The following IQSEC3 variants were observed in gnomAD, a reference collection of about 807,000 sequenced individuals.
IQSEC3 encodes the protein IQ motif and Sec7 domain ArfGEF 3, also known as IQ motif and SEC7 domain-containing protein 3.
In IQSEC3, 50 loss-of-function variants were observed where a neutral mutation model predicts 105.4. That is an observed-to-expected ratio of 0.47 (90% CI 0.38 to 0.60). IQSEC3 has a LOEUF of 0.60. Ranked by LOEUF, IQSEC3 falls within the 20% of genes least tolerant of loss-of-function variation. The probability of loss-of-function intolerance (pLI) is 0.00; values close to 1 mark genes in which losing one functional copy is unlikely to be tolerated. For synonymous variants in IQSEC3, 708 were observed against 746.0 expected, an observed-to-expected ratio of 0.95 and a Z score of 0.83; for missense variants, 1,415 against 1,630.0, an observed-to-expected ratio of 0.87 and a Z score of 2.27.
chr12:120,704 C>T (rs1443916566), intron 2 of IQSEC3, among the ~76,000 whole-genome samples: 3 of 152,182 alleles, frequency 2.0e-5, no homozygotes, highest in Admixed American at 6.5e-5. Context: ...TGAGAATGAG[C>T]GATGGCCCTG....
intron 5 of IQSEC3, among the ~76,000 whole-genome samples, chr12:145,678 G>T (rs971634930): frequency 6.6e-6 from 1 of 152,246 alleles, no homozygotes; most frequent in African/African-American, 2.4e-5. Context: ...GCAGGCCAGC[G>T]GCAGGAGCCA....
intron 7 of IQSEC3, among the ~76,000 whole-genome samples, chr12:161,330 C>T (rs1056632920): frequency 6.6e-6 from 1 of 151,874 alleles, no homozygotes. Context: ...TTTTGTTGCC[C>T]GAGTTTTATC....
At chr12:132,835 T>C (rs782688246) in intron 3 of IQSEC3, among the ~76,000 whole-genome samples, 1 of 151,980 alleles carries the variant, frequency 6.6e-6, no homozygotes, top group African/African-American at 2.4e-5. Context: ...GGCTTGAGAG[T>C]CATTCCCATC....
Position 178,306 on chromosome 12 carries a change from TGA to T in IQSEC3, c.*3282_*3283del, listed in dbSNP as rs71849208. The T allele has an allele frequency of 0.28, 43,107 of 152,072 alleles. 6,530 individuals carry two copies. Among genetic ancestry groups the T allele is most frequent in the East Asian group, 0.4 (2,078 of 5,172 alleles). 9.4% of individuals were successfully genotyped at this position (152,072 alleles called of 1,614,324 possible). ...CCTCTCCCCGCACACCCGTCACCCA[TGA>T]GAGAGAGAAACCTCTCTAGGGAAAG... On this transcript the variant is annotated 3_prime_UTR_variant, in exon 14 of 14. Transcript: ENST00000538872.
rs1384706843 is a variant in IQSEC3, at chr12:152,809, AG to A, written c.2154-4215del. ...TCCCTAGCTGTGGGAGCATGGGGCC[AG>A]CCCTACGTGGCATTAGTTTTGTCTT... On this transcript the variant is annotated intron_variant, in intron 5 of 13. Transcript: ENST00000538872. This position sits in a 1 kb window ranked among gnomAD's most constrained non-coding sequence, Gnocchi z 4.8. Among the ~76,000 whole-genome samples, 2 of 152,342 alleles carry A rather than the reference AG, an allele frequency of 1.3e-5. No homozygotes were observed. Among genetic ancestry groups the A allele is most frequent in the African/African-American group, 4.8e-5 (2 of 41,576 alleles).
intron 1 of IQSEC3, among the ~76,000 whole-genome samples, chr12:78,140 C>A (rs1230555342): frequency 6.6e-6 from 1 of 150,964 alleles, no homozygotes; most frequent in Admixed American, 6.6e-5. Flanking sequence ...CCCCAACCCC[C>A]GCGCACAGCC....
chr12:133,295 G>C (rs549458856), intron 3 of IQSEC3, among the ~76,000 whole-genome samples: 1 of 152,356 alleles, frequency 6.6e-6, no homozygotes, highest in Non-Finnish European at 1.5e-5. Context: ...ATTAAAACGT[G>C]TGGAGACTGG....
intron 5 of IQSEC3, among the ~76,000 whole-genome samples, chr12:154,464 G>A (rs1866615526): frequency 6.6e-6 from 1 of 152,146 alleles, no homozygotes; most frequent in Non-Finnish European, 1.5e-5. Context: ...CGGGTGCCAG[G>A]ACCTCAGCGT....
intron 3 of IQSEC3, among the ~76,000 whole-genome samples, chr12:136,836 G>A (rs1555086533): frequency 1.3e-5 from 2 of 152,146 alleles, no homozygotes; most frequent in Admixed American, 1.3e-4. Flanking sequence ...CTTATTTAAA[G>A]GCAGAAGCCT....
At chr12:118,422 A>G (rs1400555655) in intron 2 of IQSEC3, among the ~76,000 whole-genome samples, 1 of 150,886 alleles carries the variant, frequency 6.6e-6, no homozygotes, top group African/African-American at 2.4e-5. Flanking sequence ...AGGGCTAAAA[A>G]TCTTGAGGGG....
chr12:177,074 T>C lies in IQSEC3; in HGVS notation c.*2041T>C, dbSNP rs539936794. The C allele has an allele frequency of 2.0e-5, 3 of 152,262 alleles. No homozygotes were observed. Among genetic ancestry groups the C allele is most frequent in the African/African-American group, 4.8e-5 (2 of 41,420 alleles). The allele number at this position is 152,262 out of a possible 1,614,324, so 9.4% of individuals were successfully genotyped here. ...AGGAACTATGAGCTAAATATACTTA[T>C]GGGGTGGGGGCCGTGGGGGCCAGGG... On this transcript the variant is annotated 3_prime_UTR_variant, in exon 14 of 14. Transcript: ENST00000538872. The surrounding 1 kb of genome is among the most constrained non-coding windows in gnomAD (Gnocchi z 5.3).
At chr12:113,357 G>A (rs782526147) in intron 2 of IQSEC3, among the ~76,000 whole-genome samples, 3 of 152,234 alleles carry the variant, frequency 2.0e-5, no homozygotes, top group African/African-American at 4.8e-5. Flanking sequence ...GGAAATACTC[G>A]GAGAAGATAA....
At chr12:141,087 C>G in intron 4 of IQSEC3, 37 bp from the exon 5 acceptor site, 1 of 1,561,966 alleles carries the variant, frequency 6.4e-7, no homozygotes, top group Non-Finnish European at 8.8e-7. Context: ...ATGGCTTCAG[C>G]TCACTCTCTA....
In IQSEC3 at chr12:166,502, G is replaced by A. The variant is rs568674668; in HGVS notation, c.2971+612G>A. Among the ~76,000 whole-genome samples the A allele has an allele frequency of 1.1e-4, 16 of 152,256 alleles. No homozygotes were observed. The East Asian group carries it at 2.1e-3, about 20-fold the overall frequency. ...GTGGGTCTCTTTCTGTGTCCAGGTG[G>A]TTTACTGGCTGCTGTGGGGTTAAGG... On this transcript the variant is annotated intron_variant, in intron 11 of 13. Coordinates refer to ENST00000538872, the MANE Select transcript of IQSEC3 (RefSeq NM_001170738.2).
Position 86,745 on chromosome 12 carries a change from G to C in IQSEC3, c.555-12401G>C, listed in dbSNP as rs561114050. ...GTACTAAGCACAACACAGGTATCTTGTTTGACCTTCACAACAACCTGATGA... is the reference window on the plus strand; with the variant it reads ...GTACTAAGCACAACACAGGTATCTTCTTTGACCTTCACAACAACCTGATGA... On this transcript the variant is annotated intron_variant, in intron 1 of 13. Coordinates refer to ENST00000538872, the MANE Select transcript of IQSEC3 (RefSeq NM_001170738.2). 2.0e-5 allele frequency among the ~76,000 whole-genome samples: 3 copies of C among 152,192 alleles called. No individual in the cohort carries two copies. The South Asian group carries it at 6.2e-4, about 32-fold the overall frequency.
At position 125,723 on chromosome 12, in the gene IQSEC3, C is replaced by T. The variant is rs782503411; in HGVS notation, c.714C>T (p.Ala238=). 1 of 1,531,286 alleles carries T rather than the reference C, an allele frequency of 6.5e-7. No homozygotes were observed. The highest frequency in any genetic ancestry group is 8.7e-7 in the Non-Finnish European group (1 of 1,148,884). The allele number at this position is 1,531,286 out of a possible 1,614,324, so 94.9% of individuals were successfully genotyped here. A position where few individuals can be genotyped will look rare whatever the true frequency, so the allele number is the denominator to read the frequency against. The change falls in exon 3 of 14, where the codon GCC becomes GCT. Residue 238 remains alanine (A), a synonymous_variant. Coordinates refer to ENST00000538872, the MANE Select transcript of IQSEC3 (RefSeq NM_001170738.2). ...CAGCCGGCAGACCCAGTGCCCATGC[C>T]CCGAAGGCTCAAGCCCAGGAGCTGC... ...AVAAGRPSAH[A]PKAQAQELQE...
In IQSEC3 at chr12:127,327, C is replaced by A. The variant is rs537919588; in HGVS notation, c.903+1415C>A. On this transcript the variant is annotated intron_variant, in intron 3 of 13. Coordinates refer to ENST00000538872, the MANE Select transcript of IQSEC3 (RefSeq NM_001170738.2). ...CGAGGCCAGGAGTTTGAGACCAGCC[C>A]GCCCAATATGGTGAAACCCTGTCTG... 1.4e-3 allele frequency among the ~76,000 whole-genome samples: 208 copies of A among 151,918 alleles called. 1 individual carries two copies. Among genetic ancestry groups the A allele is most frequent in the Middle Eastern group, 6.8e-3 (2 of 294 alleles).
intron 1 of IQSEC3, among the ~76,000 whole-genome samples, chr12:72,411 T>C (rs1297413301): frequency 6.8e-6 from 1 of 146,410 alleles, no homozygotes; most frequent in African/African-American, 2.5e-5. Context: ...TTACACCCCA[T>C]GTAAAGATTT....
At chr12:125,979 G>A (rs1865390080) in intron 3 of IQSEC3, 67 bp downstream of exon 3, 9 of 1,439,422 alleles carry the variant, frequency 6.3e-6, no homozygotes, top group Non-Finnish European at 8.4e-6. Context: ...GCTGTCGAGG[G>A]TACCAGGGAT....
Sources: allele counts gnomAD v4.1 joint callset (sites outside exome capture counted in the v4.1 genomes callset), GRCh38; gene constraint gnomAD v4.1.1; non-coding constraint Gnocchi (gnomAD v3.1); transcripts MANE v1.5; gene names NCBI Gene and HGNC (gene_info 2026-07-23, HGNC 2026-07-21).